RAET1L: variants seen among roughly 807,000 people sequenced by gnomAD.
The protein encoded by RAET1L is UL16-binding protein 6.
In RAET1L, 16 loss-of-function variants were observed where a neutral mutation model predicts 23.9. The ratio of observed to expected loss-of-function variants is 0.67; its 90% CI spans 0.45 to 1.02. The LOEUF is 1.02. RAET1L is among the 50% of genes least tolerant of loss of function. RAET1L has a pLI of 0.00. For synonymous variants in RAET1L, 70 were observed against 111.2 expected (o/e 0.63, Z 2.33); for missense variants, 233 against 304.0 (o/e 0.77, Z 1.74).
At chr6:150,018,975 C>A (rs1345635664) in intron 4 of RAET1L, 120 bp from the exon 5 acceptor site, 1 of 193,036 alleles carries the variant, frequency 5.2e-6, no homozygotes, top group African/African-American at 2.4e-5. Context: ...CCTATTTTTC[C>A]CTTGAGCCCC....
At chr6:150,024,900 C>G (rs1288877761) in intron 1 of RAET1L, among the ~76,000 whole-genome samples, 1 of 152,076 alleles carries the variant, frequency 6.6e-6, no homozygotes, top group South Asian at 2.1e-4. Flanking sequence ...AGGAAAAGTG[C>G]GGGGAAAACA....
At chr6:150,023,944 C>A (rs980146099) in intron 1 of RAET1L, among the ~76,000 whole-genome samples, 6 of 152,126 alleles carry the variant, frequency 3.9e-5, no homozygotes, top group Admixed American at 3.9e-4. Context: ...CTGGTGGGCT[C>A]CTCGCCCTCT....
chr6:150,022,594 G>T (rs1421462898), intron 1 of RAET1L, among the ~76,000 whole-genome samples: 1 of 91,120 alleles, frequency 1.1e-5, no homozygotes, highest in East Asian at 2.3e-4. Context: ...TTCAGCAGTA[G>T]CCCACGTGGA....
chr6:150,023,420 C>T (rs1452812485), intron 1 of RAET1L, among the ~76,000 whole-genome samples: 1 of 151,910 alleles, frequency 6.6e-6, no homozygotes, highest in Non-Finnish European at 1.5e-5. Flanking sequence ...TATAAGAAGA[C>T]ACCAGTTTCT....
intron 2 of RAET1L, among the ~76,000 whole-genome samples, 189 bp from the exon 3 acceptor site, chr6:150,021,375 C>T (rs1779886436): frequency 1.4e-5 from 2 of 144,266 alleles, no homozygotes; most frequent in African/African-American, 5.2e-5. Flanking sequence ...CGCTCTGTCA[C>T]CCAGGCTGGA....
At chr6:150,024,803 G>A (rs543544760) in intron 1 of RAET1L, among the ~76,000 whole-genome samples, 1 of 152,246 alleles carries the variant, frequency 6.6e-6, no homozygotes, top group African/African-American at 2.4e-5. Context: ...TGGGCAGTAA[G>A]AGGATGTGAC....
chr6:150,023,196 T>G (rs11759588), intron 1 of RAET1L, among the ~76,000 whole-genome samples: 55,540 of 151,054 alleles, frequency 0.37, 10,910 homozygotes, highest in Non-Finnish European at 0.45. Flanking sequence ...GCTGGGGACC[T>G]CAGTTATACA....
intron 2 of RAET1L, among the ~76,000 whole-genome samples, chr6:150,021,699 G>T (rs1779891313): frequency 6.8e-6 from 1 of 147,278 alleles, no homozygotes; most frequent in South Asian, 2.2e-4. Flanking sequence ...GGGTTCAAGG[G>T]ATCCTCCTGC....
At position 150,025,523 on chromosome 6, in the gene RAET1L, A is replaced by G. The variant is rs553308843; in HGVS notation, c.-52T>C. On this transcript the variant is annotated 5_prime_UTR_variant, in exon 1 of 5. Transcript: ENST00000367341. Reference sequence around the variant, plus strand: ...AGATTTAATCAAGGTGGATCCTGGAAGATGAAATCACCTCTGTGCTGAAAG... The same window carrying G: ...AGATTTAATCAAGGTGGATCCTGGAGGATGAAATCACCTCTGTGCTGAAAG... The G allele has an allele frequency of 1.4e-6, 2 of 1,443,810 alleles. No individual in the cohort carries two copies. Among genetic ancestry groups the G allele is most frequent in the African/African-American group, 1.4e-5 (1 of 71,618 alleles). 89.4% of individuals were successfully genotyped at this position (1,443,810 alleles called of 1,614,324 possible). A position where few individuals can be genotyped will look rare whatever the true frequency, so the allele number is the denominator to read the frequency against.
rs763867130 is a variant in RAET1L, at chr6:150,018,878, G to A, written c.*23-23C>T. The A allele has an allele frequency of 4.1e-5, 13 of 317,968 alleles. No homozygotes were observed. In the Middle Eastern group the frequency reaches 1.9e-3, roughly 47 times the overall value. 19.7% of individuals were successfully genotyped at this position (317,968 alleles called of 1,614,324 possible). On this transcript the variant is annotated intron_variant, in intron 4 of 4. Transcript: ENST00000367341. ...AACCTTCAGAAAGGACCCAAATGTT[G>A]GTTTAAGAGGCAGAGAACCCGGATC... is the stretch of plus-strand genomic sequence containing the variant.
rs1427279480 is a variant in RAET1L at position 150,025,425 on chromosome 6, A to G, written c.47T>C (p.Leu16Pro). The G allele has an allele frequency of 1.2e-6, 2 of 1,614,036 alleles. No homozygotes were observed. Among genetic ancestry groups the G allele is most frequent in the East Asian group, 2.2e-5 (1 of 44,874 alleles). The part of the protein sequence containing the change: ...IPALLLCLPL[L>P]FLLFGWSRAR... The stretch of plus-strand genomic sequence containing the variant: ...CCGGGACCAGCCGAACAGCAGGAAC[A>G]GAAGCGGGAGGCACAGAAGCAAAGC... Residue 16 changes from leucine to proline, a missense_variant, in exon 1 of 5, where the codon CTG becomes CCG. Physicochemically the swap from Leu to Pro is moderately conservative, Grantham distance 98. Coordinates refer to ENST00000367341, the MANE Select transcript of RAET1L (RefSeq NM_130900.3).
chr6:150,024,140 C>T (rs1403380692), intron 1 of RAET1L, among the ~76,000 whole-genome samples: 2 of 152,116 alleles, frequency 1.3e-5, no homozygotes, highest in Non-Finnish European at 1.5e-5. Context: ...ACCTGATGGT[C>T]CCCATGGATG....
chr6:150,021,943 A>G, intron 2 of RAET1L, 37 bp downstream of exon 2: 8 of 1,609,888 alleles, frequency 5.0e-6, no homozygotes, highest in South Asian at 1.1e-5. Context: ...CTACCACTGT[A>G]TCTGCTCCCT....
At chr6:150,019,113 G>C (rs1779856368) in intron 4 of RAET1L, among the ~76,000 whole-genome samples, 1 of 152,156 alleles carries the variant, frequency 6.6e-6, no homozygotes, top group Non-Finnish European at 1.5e-5. Flanking sequence ...GTAGTGATGG[G>C]TCCGCTCCCT....
chr6:150,023,846 T>C (rs1270918862), intron 1 of RAET1L, among the ~76,000 whole-genome samples: 1 of 152,078 alleles, frequency 6.6e-6, no homozygotes, highest in African/African-American at 2.4e-5. Flanking sequence ...CCTTTTGCCA[T>C]GCATATAAAG....
At chr6:150,021,331 T>C in intron 2 of RAET1L, 145 bp from the exon 3 acceptor site, 1 of 1,098,194 alleles carries the variant, frequency 9.1e-7, no homozygotes, top group South Asian at 1.8e-5. Flanking sequence ...ACCTTCCCAT[T>C]TGTATTTTTT....
intron 3 of RAET1L, 120 bp from the exon 4 acceptor site, chr6:150,020,359 G>A: frequency 6.3e-7 from 1 of 1,579,748 alleles, no homozygotes; most frequent in African/African-American, 1.3e-5. Flanking sequence ...CCTCCCCCCT[G>A]GTGTGGGGCA....
At chr6:150,024,079 C>T (rs115226842) in intron 1 of RAET1L, among the ~76,000 whole-genome samples, 1,837 of 152,238 alleles carry the variant, frequency 0.012, 33 homozygotes, top group African/African-American at 0.041. Flanking sequence ...CAGGACACCA[C>T]GTGGCTGCAC....
intron 1 of RAET1L, among the ~76,000 whole-genome samples, chr6:150,024,138 G>T (rs1024072068): frequency 2.0e-5 from 3 of 152,214 alleles, no homozygotes; most frequent in African/African-American, 2.4e-5. Context: ...GTACCTGATG[G>T]TCCCCATGGA....
Sources: gnomAD v4.1 joint callset for allele counts (sites outside exome capture counted in the v4.1 genomes callset) on GRCh38, gnomAD v4.1.1 for gene constraint, MANE v1.5 for transcripts, NCBI Gene and HGNC (gene_info 2026-07-23, HGNC 2026-07-21) for gene names.